Variants in ALK observed in about 807,000 individuals in gnomAD.
ALK encodes the protein ALK receptor tyrosine kinase, also known as ALK tyrosine kinase receptor.
ALK carries 74 observed loss-of-function variants against 163.1 expected under a neutral mutation model. That is an observed-to-expected ratio of 0.45 (90% CI 0.38 to 0.55). ALK has a LOEUF of 0.55. Among genes scored for constraint, ALK ranks in the 20% least tolerant of loss-of-function variants. ALK has a pLI of 0.00. For missense variants in ALK, 2,063 were observed against 2,105.3 expected, an observed-to-expected ratio of 0.98 and a Z score of 0.39; for synonymous variants, 960 against 843.2, an observed-to-expected ratio of 1.14 and a Z score of -2.40.
intron 4 of ALK, among the ~76,000 whole-genome samples, chr2:29,466,269 T>A (rs541979560): frequency 5.3e-5 from 8 of 152,250 alleles, no homozygotes; most frequent in African/African-American, 1.9e-4. Flanking sequence ...AGCCTCTGTG[T>A]TGACATCTTA....
At chr2:29,312,973 G>A (rs74824976) in intron 8 of ALK, among the ~76,000 whole-genome samples, 15 of 152,220 alleles carry the variant, frequency 9.9e-5, no homozygotes, top group Non-Finnish European at 2.1e-4. Flanking sequence ...AAAGGGACTT[G>A]GGCTTAGTGA....
chr2:29,522,869 G>T (rs762525245), intron 4 of ALK, among the ~76,000 whole-genome samples: 2 of 152,140 alleles, frequency 1.3e-5, no homozygotes, highest in South Asian at 2.1e-4. Flanking sequence ...TGGAGTTTTC[G>T]TTAGGGAAGA....
chr2:29,215,172 T>G (rs796257141), intron 23 of ALK, among the ~76,000 whole-genome samples: 3 of 152,310 alleles, frequency 2.0e-5, no homozygotes, highest in African/African-American at 7.2e-5. Context: ...TCTCCTATTT[T>G]GCTCTTCTTT....
intron 1 of ALK, among the ~76,000 whole-genome samples, chr2:29,846,036 A>G (rs911595985): frequency 6.6e-6 from 1 of 152,190 alleles, no homozygotes; most frequent in Non-Finnish European, 1.5e-5. Context: ...TGGCCCATAC[A>G]TCTGGCCCAT....
In ALK at chr2:29,253,874, A is replaced by AGAT. The variant is rs1491358630; in HGVS notation, c.2042-2610_2042-2608dup. Among the ~76,000 whole-genome samples the AGAT allele has an allele frequency of 2.4e-4, 37 of 151,986 alleles. No individual in the cohort carries two copies. In the East Asian group the frequency reaches 6.2e-3, roughly 25 times the overall value. ...TAGATAGATAGATAGATAGATAGAT[A>AGAT]GATAGATAGATAGATAGATAGGTAG... On this transcript the variant is annotated intron_variant, in intron 11 of 28. Transcript: ENST00000389048.
intron 3 of ALK, among the ~76,000 whole-genome samples, chr2:29,557,212 C>G (rs1673886967): frequency 6.6e-6 from 1 of 152,180 alleles, no homozygotes; most frequent in African/African-American, 2.4e-5. Flanking sequence ...CTAAGCATCA[C>G]TCTGAAATTG....
intron 1 of ALK, among the ~76,000 whole-genome samples, chr2:29,794,071 T>C (rs1000699243): frequency 6.6e-6 from 1 of 152,202 alleles, no homozygotes; most frequent in African/African-American, 2.4e-5. Context: ...CCTAGTTTGA[T>C]GGTTTAGTGT....
chr2:29,661,997 C>T (rs1677362095), intron 3 of ALK, among the ~76,000 whole-genome samples: 1 of 152,104 alleles, frequency 6.6e-6, no homozygotes, highest in African/African-American at 2.4e-5. Context: ...GAAACCCCTA[C>T]CTCCCAGGTT....
Position 29,478,585 on chromosome 2 carries a change from T to C in ALK, c.1154+53330A>G, listed in dbSNP as rs1370227449. Among the ~76,000 whole-genome samples, 3 of 152,244 alleles carry C rather than the reference T, an allele frequency of 2.0e-5. No individual in the cohort carries two copies. The East Asian group carries it at 5.8e-4, about 29-fold the overall frequency. On this transcript the variant is annotated intron_variant, in intron 4 of 28. Coordinates refer to ENST00000389048, the MANE Select transcript of ALK (RefSeq NM_004304.5). ...GAAGTAATGAGCTCATGCTGTGCTC[T>C]CAAGGCTCCTACAGACTGACGAGGA...
chr2:29,303,336 C>T (rs911637812), intron 8 of ALK, among the ~76,000 whole-genome samples: 2 of 151,880 alleles, frequency 1.3e-5, no homozygotes, highest in African/African-American at 4.8e-5. Flanking sequence ...AATGAGATAC[C>T]ATCTCACACC....
intron 28 of ALK, among the ~76,000 whole-genome samples, chr2:29,194,808 T>C (rs1668983414): frequency 6.6e-6 from 1 of 152,018 alleles, no homozygotes; most frequent in Non-Finnish European, 1.5e-5. Flanking sequence ...ATTCTTTAAC[T>C]AGTCTGGATG....
chr2:29,747,488 G>A (rs559629444), intron 1 of ALK, among the ~76,000 whole-genome samples: 13 of 152,212 alleles, frequency 8.5e-5, no homozygotes, highest in Non-Finnish European at 1.6e-4. Flanking sequence ...AGTGACAGGA[G>A]GAGAGCATCT....
chr2:29,198,842 T>A (rs977104736), intron 26 of ALK, among the ~76,000 whole-genome samples: 1 of 152,246 alleles, frequency 6.6e-6, no homozygotes, highest in Non-Finnish European at 1.5e-5. Context: ...TGCCCATTTT[T>A]ATCTGCTGGG....
intron 1 of ALK, among the ~76,000 whole-genome samples, chr2:29,856,876 C>T (rs974193341): frequency 2.0e-5 from 3 of 152,208 alleles, no homozygotes; most frequent in East Asian, 1.9e-4. Flanking sequence ...TGGATGACCT[C>T]GCAGTTTCTC....
At chr2:29,393,224 G>T (rs1669222904) in intron 4 of ALK, among the ~76,000 whole-genome samples, 1 of 152,154 alleles carries the variant, frequency 6.6e-6, no homozygotes, top group Non-Finnish European at 1.5e-5. Flanking sequence ...TGAGTCCTTT[G>T]AATTGAAGGA....
chr2:29,570,675 G>T (rs940201784), intron 3 of ALK, among the ~76,000 whole-genome samples: 1 of 152,122 alleles, frequency 6.6e-6, no homozygotes, highest in African/African-American at 2.4e-5. Context: ...AGCCTCTGAC[G>T]GGCATAGCTT....
At chr2:29,594,540 T>C (rs1475908868) in intron 3 of ALK, among the ~76,000 whole-genome samples, 1 of 151,352 alleles carries the variant, frequency 6.6e-6, no homozygotes, top group Non-Finnish European at 1.5e-5. Flanking sequence ...GCGATTCTCC[T>C]GCCTCCGCCT....
intron 1 of ALK, among the ~76,000 whole-genome samples, chr2:29,846,683 C>T (rs1307603808): frequency 6.6e-6 from 1 of 152,204 alleles, no homozygotes; most frequent in Admixed American, 6.5e-5. Context: ...CCATCCTCCT[C>T]CAGAGATTGT....
intron 2 of ALK, among the ~76,000 whole-genome samples, chr2:29,704,950 A>G (rs1298395346): frequency 2.0e-5 from 3 of 152,016 alleles, no homozygotes; most frequent in Non-Finnish European, 4.4e-5. Context: ...TAAAAATAAT[A>G]TAAATACCTG....
Sources: allele counts gnomAD v4.1 joint callset (sites outside exome capture counted in the v4.1 genomes callset), GRCh38; gene constraint gnomAD v4.1.1; transcripts MANE v1.5; gene names NCBI Gene and HGNC (gene_info 2026-07-23, HGNC 2026-07-21).